CADPS: variants seen among roughly 807,000 people sequenced by gnomAD.
CADPS encodes calcium-dependent secretion activator 1.
CADPS carries 57 observed loss-of-function variants against 167.3 expected under a neutral mutation model. The observed-to-expected ratio is 0.34, with a 90% CI of 0.28 to 0.42. CADPS has a LOEUF of 0.42. CADPS is among the 20% of genes least tolerant of loss of function. The probability of loss-of-function intolerance (pLI) is 1.00; values close to 1 mark genes in which losing one functional copy is unlikely to be tolerated. For synonymous variants in CADPS, 676 were observed against 635.3 expected (o/e 1.06, Z -0.96); for missense variants, 1,414 against 1,738.1 (o/e 0.81, Z 3.32).
chr3:62,453,706 G>A (rs1202975769), intron 26 of CADPS, among the ~76,000 whole-genome samples: 2 of 152,300 alleles, frequency 1.3e-5, no homozygotes, highest in African/African-American at 4.8e-5. Flanking sequence ...CAATTACGGT[G>A]AAAGCCCCTT....
intron 3 of CADPS, among the ~76,000 whole-genome samples, chr3:62,733,885 T>C (rs1052930648): frequency 6.6e-6 from 1 of 152,148 alleles, no homozygotes; most frequent in African/African-American, 2.4e-5. Flanking sequence ...ATTATATCAT[T>C]TTTATGCCTT....
At chr3:62,745,722 G>T (rs1270002745) in intron 3 of CADPS, among the ~76,000 whole-genome samples, 1 of 152,168 alleles carries the variant, frequency 6.6e-6, no homozygotes, top group East Asian at 1.9e-4. Flanking sequence ...GACCAAACAT[G>T]CACCTTGTGT....
At chr3:62,451,882 G>C (rs538283249) in intron 26 of CADPS, among the ~76,000 whole-genome samples, 10 of 152,192 alleles carry the variant, frequency 6.6e-5, no homozygotes, top group Admixed American at 6.5e-4. Flanking sequence ...TGTGTGTCAA[G>C]GCAATTCAGT....
chr3:62,805,418 G>A (rs1299193613), intron 1 of CADPS, among the ~76,000 whole-genome samples: 2 of 152,148 alleles, frequency 1.3e-5, no homozygotes, highest in Non-Finnish European at 2.9e-5. Flanking sequence ...CCATTAGGAA[G>A]CACTAAGGGA....
intron 1 of CADPS, among the ~76,000 whole-genome samples, chr3:62,854,698 C>T (rs1458298563): frequency 6.6e-6 from 1 of 152,166 alleles, no homozygotes; most frequent in Non-Finnish European, 1.5e-5. Context: ...TTCTATTTTT[C>T]TGATCTTCTT....
chr3:62,580,102 C>G (rs1178882404), intron 8 of CADPS, among the ~76,000 whole-genome samples: 2 of 152,122 alleles, frequency 1.3e-5, no homozygotes, highest in Non-Finnish European at 2.9e-5. Context: ...GACCAAAGGA[C>G]TATAAATCAT....
intron 12 of CADPS, chr3:62,536,070 G>A (rs570841611): frequency 5.6e-6 from 1 of 178,224 alleles, no homozygotes; most frequent in African/African-American, 2.3e-5. Context: ...TAATGAGATA[G>A]GATTACCAGA....
intron 16 of CADPS, among the ~76,000 whole-genome samples, chr3:62,515,579 A>AT (rs2068776942): frequency 6.6e-6 from 1 of 152,080 alleles, no homozygotes; most frequent in Non-Finnish European, 1.5e-5. Context: ...ATCGAGCTTG[A>AT]AGCACTACCA....
chr3:62,542,935 C>T (rs1421785940), intron 11 of CADPS, among the ~76,000 whole-genome samples: 1 of 152,150 alleles, frequency 6.6e-6, no homozygotes, highest in African/African-American at 2.4e-5. Context: ...TTTTTGCACT[C>T]ACTCCAACAT....
rs114737184 is a variant in CADPS at position 62,418,184 on chromosome 3, T to C, written c.3778-14999A>G. ...AATATTTATATGAATTTGTTCTCTATGAAAAAGGAAGAAAAGGAAATGTAA... is the reference window on the plus strand; with the variant it reads ...AATATTTATATGAATTTGTTCTCTACGAAAAAGGAAGAAAAGGAAATGTAA... On this transcript the variant is annotated intron_variant, in intron 28 of 29. Coordinates refer to ENST00000383710, the MANE Select transcript of CADPS (RefSeq NM_003716.4). 2.2e-3 allele frequency among the ~76,000 whole-genome samples: 340 copies of C among 152,098 alleles called. 1 individual carries two copies. The highest frequency in any genetic ancestry group is 3.3e-3 in the Non-Finnish European group (224 of 67,992).
chr3:62,820,021 G>C (rs2094823917), intron 1 of CADPS, among the ~76,000 whole-genome samples: 1 of 67,166 alleles, frequency 1.5e-5, no homozygotes, highest in African/African-American at 4.7e-5. Context: ...TCACACATAT[G>C]CATGTGTGCA....
intron 2 of CADPS, among the ~76,000 whole-genome samples, chr3:62,754,013 G>A (rs950641072): frequency 1.3e-5 from 2 of 152,266 alleles, no homozygotes; most frequent in Non-Finnish European, 2.9e-5. Flanking sequence ...TTGGTGCAAG[G>A]ATTAAATGAG....
intron 1 of CADPS, among the ~76,000 whole-genome samples, chr3:62,795,507 T>A (rs1200946912): frequency 6.6e-6 from 1 of 152,190 alleles, no homozygotes; most frequent in African/African-American, 2.4e-5. Context: ...ATTAGCTGGA[T>A]TCTTCAGACC....
chr3:62,803,225 C>A (rs542536071), intron 1 of CADPS, among the ~76,000 whole-genome samples: 58 of 152,172 alleles, frequency 3.8e-4, no homozygotes, highest in South Asian at 2.1e-3. Flanking sequence ...AGGAGAGAAG[C>A]CTTGATCTGA....
chr3:62,676,500 A>T (rs958804553), intron 3 of CADPS, among the ~76,000 whole-genome samples: 4 of 152,156 alleles, frequency 2.6e-5, no homozygotes, highest in Non-Finnish European at 5.9e-5. Flanking sequence ...CTACCTATTC[A>T]TTTTATTTCA....
intron 13 of CADPS, among the ~76,000 whole-genome samples, chr3:62,519,968 T>C (rs985032416): frequency 1.3e-5 from 2 of 152,198 alleles, no homozygotes; most frequent in Non-Finnish European, 2.9e-5. Context: ...AGCTTGTTAA[T>C]GAACTGAACA....
intron 13 of CADPS, among the ~76,000 whole-genome samples, chr3:62,525,856 A>T (rs1284161432): frequency 2.6e-5 from 4 of 152,120 alleles, no homozygotes; most frequent in Non-Finnish European, 5.9e-5. Context: ...CATGGATTGA[A>T]ACGGCCACCC....
chr3:62,666,491 G>A (rs1580002889), intron 3 of CADPS, among the ~76,000 whole-genome samples: 1 of 152,180 alleles, frequency 6.6e-6, no homozygotes, highest in African/African-American at 2.4e-5. Flanking sequence ...GGAAAGATCA[G>A]CTGGAGAACC....
At chr3:62,832,286 T>A (rs542369997) in intron 1 of CADPS, among the ~76,000 whole-genome samples, 1 of 152,340 alleles carries the variant, frequency 6.6e-6, no homozygotes, top group South Asian at 2.1e-4. Flanking sequence ...GAGCCACCAA[T>A]CCATGCAAAT....
Sources: allele counts gnomAD v4.1 joint callset (sites outside exome capture counted in the v4.1 genomes callset), GRCh38; gene constraint gnomAD v4.1.1; transcripts MANE v1.5; gene names NCBI Gene and HGNC (gene_info 2026-07-23, HGNC 2026-07-21).